The following SUSD6 variants were observed in gnomAD, a reference collection of about 807,000 sequenced individuals.
SUSD6 encodes the protein sushi domain-containing protein 6.
SUSD6 carries 16 observed loss-of-function variants against 28.4 expected under a neutral mutation model. The ratio of observed to expected loss-of-function variants is 0.56; its 90% CI spans 0.38 to 0.86. The LOEUF (loss-of-function observed/expected upper bound fraction) is 0.86, where lower values mean the gene tolerates loss of function less well. SUSD6 is among the 40% of genes least tolerant of loss of function. The probability of loss-of-function intolerance (pLI) is 0.00; values close to 1 mark genes in which losing one functional copy is unlikely to be tolerated. For synonymous variants in SUSD6, 147 were observed against 159.6 expected (o/e 0.92, Z 0.59); for missense variants, 341 against 384.2 (o/e 0.89, Z 0.94).
chr14:69,682,543 T>C (rs1886011618), intron 2 of SUSD6, among the ~76,000 whole-genome samples: 1 of 151,866 alleles, frequency 6.6e-6, no homozygotes, highest in South Asian at 2.1e-4. Context: ...CTCTCCCCAA[T>C]TAAAAAAAAA....
chr14:69,658,398 A>C lies in SUSD6; in HGVS notation c.-80-115A>C, dbSNP rs1228930325. ...CTCTCCTGGCAGCAGGGATTCGAAT[A>C]GTTGCTAGAATTCTCTCAACTTTGT... On this transcript the variant is annotated intron_variant, in intron 1 of 5. Coordinates refer to ENST00000342745, the MANE Select transcript of SUSD6 (RefSeq NM_014734.4). The C allele has an allele frequency of 6.7e-6, 4 of 599,534 alleles. No individual in the cohort carries two copies. In the East Asian group the frequency reaches 1.2e-4, roughly 17 times the overall value. 37.1% of individuals were successfully genotyped at this position (599,534 alleles called of 1,614,324 possible). A position where few individuals can be genotyped will look rare whatever the true frequency, so the allele number is the denominator to read the frequency against.
intron 2 of SUSD6, among the ~76,000 whole-genome samples, chr14:69,696,005 T>TA (rs1886219566): frequency 1.3e-5 from 2 of 152,254 alleles, no homozygotes; most frequent in African/African-American, 4.8e-5. Context: ...AGGCTGTTCA[T>TA]ACTGGGTATA....
intron 1 of SUSD6, among the ~76,000 whole-genome samples, chr14:69,657,003 A>G (rs1235606886): frequency 6.6e-6 from 1 of 152,208 alleles, no homozygotes; most frequent in Non-Finnish European, 1.5e-5. Context: ...CAATTATTAG[A>G]GGGAAATGGG....
intron 1 of SUSD6, among the ~76,000 whole-genome samples, chr14:69,648,048 G>C (rs1171357339): frequency 6.6e-6 from 1 of 152,076 alleles, no homozygotes; most frequent in Non-Finnish European, 1.5e-5. Flanking sequence ...GAGATCGTCT[G>C]GTCCAGCCCT....
At chr14:69,622,276 C>T (rs887402063) in intron 1 of SUSD6, among the ~76,000 whole-genome samples, 1 of 152,168 alleles carries the variant, frequency 6.6e-6, no homozygotes, top group Non-Finnish European at 1.5e-5. Context: ...GCGATCCTCC[C>T]ACCTCAGCCT....
chr14:69,634,088 C>T (rs552991031), intron 1 of SUSD6, among the ~76,000 whole-genome samples: 3 of 152,300 alleles, frequency 2.0e-5, no homozygotes, highest in Admixed American at 2.0e-4. Context: ...AACTCTGGTT[C>T]ATGTGGAAAA....
At position 69,711,194 on chromosome 14, in the gene SUSD6, C is replaced by G. The variant is rs1319831310; in HGVS notation, c.*215C>G. 11 of 585,148 alleles carry G rather than the reference C, an allele frequency of 1.9e-5. No individual in the cohort carries two copies. Among genetic ancestry groups the G allele is most frequent in the Non-Finnish European group, 3.0e-5 (10 of 327,972 alleles). 36.2% of individuals were successfully genotyped at this position (585,148 alleles called of 1,614,324 possible). A position where few individuals can be genotyped will look rare whatever the true frequency, so the allele number is the denominator to read the frequency against. On this transcript the variant is annotated 3_prime_UTR_variant, in exon 6 of 6. Coordinates refer to ENST00000342745, the MANE Select transcript of SUSD6 (RefSeq NM_014734.4). Reference sequence around the variant, plus strand: ...CCTGTTGGACAGCTGGAGGAGCTGGCTCTTTGCCTGGCCCCGCCTTCCCAT... The same window carrying G: ...CCTGTTGGACAGCTGGAGGAGCTGGGTCTTTGCCTGGCCCCGCCTTCCCAT...
intron 2 of SUSD6, among the ~76,000 whole-genome samples, chr14:69,664,066 C>T (rs1885702632): frequency 6.6e-6 from 1 of 151,944 alleles, no homozygotes; most frequent in African/African-American, 2.4e-5. Context: ...GCAAGCTCCA[C>T]CTTCCAGGTT....
At chr14:69,707,381 C>G (rs1205791793) in intron 4 of SUSD6, among the ~76,000 whole-genome samples, 1 of 152,198 alleles carries the variant, frequency 6.6e-6, no homozygotes, top group Non-Finnish European at 1.5e-5. Flanking sequence ...ATAAGCCTCA[C>G]ACGTATGATG....
At chr14:69,614,224 G>T (rs1884925237) in intron 1 of SUSD6, among the ~76,000 whole-genome samples, 1 of 152,224 alleles carries the variant, frequency 6.6e-6, no homozygotes, top group African/African-American at 2.4e-5. Context: ...GTGTCATCAC[G>T]CCTGGCTAAT....
chr14:69,677,927 G>A (rs1043400830), intron 2 of SUSD6, among the ~76,000 whole-genome samples: 1 of 152,174 alleles, frequency 6.6e-6, no homozygotes, highest in African/African-American at 2.4e-5. Flanking sequence ...ATGGAGACGA[G>A]TGTAATCACA....
intron 1 of SUSD6, among the ~76,000 whole-genome samples, chr14:69,624,594 A>T (rs769825531): frequency 2.7e-4 from 41 of 152,128 alleles, no homozygotes; most frequent in Non-Finnish European, 4.9e-4. Flanking sequence ...CTGGGCTTAC[A>T]GGCATGTGGC....
chr14:69,691,572 C>T (rs1566605044), intron 2 of SUSD6, among the ~76,000 whole-genome samples: 2 of 152,172 alleles, frequency 1.3e-5, no homozygotes, highest in African/African-American at 4.8e-5. Context: ...AGCACACTAC[C>T]TGACCCCCTG....
At chr14:69,709,520 A>T (rs1365301812) in intron 5 of SUSD6, among the ~76,000 whole-genome samples, 1 of 152,248 alleles carries the variant, frequency 6.6e-6, no homozygotes, top group Non-Finnish European at 1.5e-5. Context: ...CTTTCTAAAC[A>T]GGAGTGTTCC....
chr14:69,665,734 A>G (rs1017763933), intron 2 of SUSD6, among the ~76,000 whole-genome samples: 2 of 152,136 alleles, frequency 1.3e-5, no homozygotes, highest in Non-Finnish European at 1.5e-5. Flanking sequence ...TTATGCTTCA[A>G]CTCTTCACCT....
chr14:69,649,468 T>G (rs1331378006), intron 1 of SUSD6, among the ~76,000 whole-genome samples: 4 of 152,260 alleles, frequency 2.6e-5, no homozygotes, highest in Non-Finnish European at 5.9e-5. Flanking sequence ...GCATCTGTTT[T>G]GCTACCTGGC....
chr14:69,688,404 A>G (rs141101738), intron 2 of SUSD6, among the ~76,000 whole-genome samples: 1 of 152,332 alleles, frequency 6.6e-6, no homozygotes, highest in East Asian at 1.9e-4. Flanking sequence ...ATGCAGGCAC[A>G]ATGGGACCCA....
chr14:69,636,214 C>T (rs3784146), intron 1 of SUSD6, among the ~76,000 whole-genome samples: 3 of 152,152 alleles, frequency 2.0e-5, no homozygotes, highest in South Asian at 2.1e-4. Context: ...CTGGAGTGGG[C>T]GGCAGGCTAT....
At chr14:69,700,673 T>A (rs1289167929) in intron 2 of SUSD6, among the ~76,000 whole-genome samples, 1 of 152,228 alleles carries the variant, frequency 6.6e-6, no homozygotes, top group Non-Finnish European at 1.5e-5. Context: ...TCCTCGGAGA[T>A]CCTTTCCTAG....
Sources: allele counts gnomAD v4.1 joint callset (sites outside exome capture counted in the v4.1 genomes callset), GRCh38; gene constraint gnomAD v4.1.1; transcripts MANE v1.5; gene names NCBI Gene and HGNC (gene_info 2026-07-23, HGNC 2026-07-21).